Variants in AFG1L observed in about 807,000 individuals in gnomAD.
The protein encoded by AFG1L is AFG1 like ATPase, also known as AFG1-like ATPase.
A neutral mutation model predicts 62.2 loss-of-function variants in AFG1L; 53 were observed. The ratio of observed to expected loss-of-function variants is 0.85; its 90% CI spans 0.68 to 1.07. The LOEUF (loss-of-function observed/expected upper bound fraction) is 1.07. Ranked by LOEUF, AFG1L falls within the 50% of genes least tolerant of loss-of-function variation. The pLI is 0.00. For missense variants in AFG1L, 555 were observed against 590.5 expected (o/e 0.94, Z 0.62); for synonymous variants, 228 against 210.3 (o/e 1.08, Z -0.73).
intron 10 of AFG1L, among the ~76,000 whole-genome samples, chr6:108,507,094 A>G (rs913593345): frequency 1.3e-5 from 2 of 152,226 alleles, no homozygotes; most frequent in Non-Finnish European, 2.9e-5. Flanking sequence ...AGAAAAAAGT[A>G]GTATTGCTAT....
chr6:108,432,338 A>C (rs946899443), intron 7 of AFG1L, among the ~76,000 whole-genome samples: 5 of 151,882 alleles, frequency 3.3e-5, no homozygotes, highest in African/African-American at 1.2e-4. Flanking sequence ...CCCTCTTTAA[A>C]CTACTTCAGC....
chr6:108,426,838 CCA>C (rs1770836060), intron 7 of AFG1L, among the ~76,000 whole-genome samples: 1 of 152,142 alleles, frequency 6.6e-6, no homozygotes, highest in Admixed American at 6.6e-5. Context: ...CATCCCTCCT[CCA>C]CCTTCTACTC....
At chr6:108,517,826 A>G (rs184104513) in intron 11 of AFG1L, among the ~76,000 whole-genome samples, 2 of 152,226 alleles carry the variant, frequency 1.3e-5, no homozygotes, top group African/African-American at 2.4e-5. Context: ...CAACAAACCC[A>G]TCAAAAAGTG....
intron 11 of AFG1L, among the ~76,000 whole-genome samples, chr6:108,518,255 A>C (rs1582696005): frequency 6.6e-6 from 1 of 152,170 alleles, no homozygotes; most frequent in African/African-American, 2.4e-5. Flanking sequence ...AACCAACCCA[A>C]ATGTCCAACA....
At chr6:108,370,437 AT>A (rs1779953520) in intron 6 of AFG1L, among the ~76,000 whole-genome samples, 1 of 152,004 alleles carries the variant, frequency 6.6e-6, no homozygotes, top group African/African-American at 2.4e-5. Flanking sequence ...ACTAGGGAAT[AT>A]TTGGTAACAT....
intron 10 of AFG1L, among the ~76,000 whole-genome samples, chr6:108,499,826 G>A (rs984792906): frequency 9.9e-5 from 15 of 152,066 alleles, no homozygotes; most frequent in African/African-American, 3.4e-4. Context: ...GATTCAGGGG[G>A]TACATGCACA....
chr6:108,382,070 G>A (rs770412306), intron 6 of AFG1L, among the ~76,000 whole-genome samples: 13 of 143,702 alleles, frequency 9.0e-5, no homozygotes, highest in East Asian at 2.1e-4. Flanking sequence ...GCACAGTCTC[G>A]GCTCACTGCA....
chr6:108,361,773 C>A (rs751981169), intron 5 of AFG1L, among the ~76,000 whole-genome samples: 1 of 152,200 alleles, frequency 6.6e-6, no homozygotes, highest in Non-Finnish European at 1.5e-5. Flanking sequence ...ACCTCCTTAA[C>A]AAGGCCCATC....
intron 10 of AFG1L, among the ~76,000 whole-genome samples, chr6:108,496,330 T>C (rs1582665534): frequency 6.6e-6 from 1 of 152,230 alleles, no homozygotes; most frequent in African/African-American, 2.4e-5. Context: ...ATAGTTATAA[T>C]TGATTTTGAA....
At chr6:108,518,289 G>A (rs1364673254) in intron 11 of AFG1L, among the ~76,000 whole-genome samples, 3 of 152,176 alleles carry the variant, frequency 2.0e-5, no homozygotes, top group African/African-American at 7.2e-5. Context: ...TTAAGAAAAT[G>A]TGGCACATGT....
chr6:108,317,143 G>A (rs1777635554), intron 1 of AFG1L, among the ~76,000 whole-genome samples: 1 of 152,088 alleles, frequency 6.6e-6, no homozygotes. Context: ...GTGCTATTAA[G>A]AAGAACATGA....
At chr6:108,329,104 C>G (rs1466284590) in intron 2 of AFG1L, among the ~76,000 whole-genome samples, 3 of 149,748 alleles carry the variant, frequency 2.0e-5, no homozygotes, top group Non-Finnish European at 3.0e-5. Context: ...TCCTTCCTTC[C>G]TATCTTCCCT....
At chr6:108,473,704 C>T (rs1011069581) in intron 8 of AFG1L, among the ~76,000 whole-genome samples, 1 of 152,070 alleles carries the variant, frequency 6.6e-6, no homozygotes, top group Non-Finnish European at 1.5e-5. Context: ...ATTGCAGGCG[C>T]ATGCCACCAC....
At chr6:108,411,536 G>T (rs1030779689) in intron 7 of AFG1L, among the ~76,000 whole-genome samples, 6 of 152,166 alleles carry the variant, frequency 3.9e-5, no homozygotes, top group African/African-American at 1.4e-4. Flanking sequence ...TCATACAGCT[G>T]GGTGCCCCTC....
chr6:108,420,544 G>A (rs1770542929), intron 7 of AFG1L, among the ~76,000 whole-genome samples: 2 of 151,428 alleles, frequency 1.3e-5, no homozygotes, highest in South Asian at 4.2e-4. Flanking sequence ...TTTTTGTGCT[G>A]TGTCGTTGCA....
Position 108,336,273 on chromosome 6 carries a change from A to G in AFG1L, c.364-10715A>G, listed in dbSNP as rs79156724. On this transcript the variant is annotated intron_variant, in intron 2 of 12. Coordinates refer to ENST00000368977, the MANE Select transcript of AFG1L (RefSeq NM_145315.5). ...TATCATTTTGGGAGATAATAATGCA[A>G]TGGTGGGGGGAATGGAGAGAAACAG... Among the ~76,000 whole-genome samples, 100 of 152,318 alleles carry G rather than the reference A, an allele frequency of 6.6e-4. 2 individuals carry two copies. The East Asian group carries it at 0.015, about 23-fold the overall frequency.
At chr6:108,352,870 T>C (rs925031165) in intron 3 of AFG1L, among the ~76,000 whole-genome samples, 3 of 152,180 alleles carry the variant, frequency 2.0e-5, no homozygotes, top group Non-Finnish European at 4.4e-5. Flanking sequence ...CTGTTCCTTA[T>C]ATTATTTTTT....
intron 3 of AFG1L, among the ~76,000 whole-genome samples, chr6:108,347,269 T>C (rs923538889): frequency 2.6e-5 from 4 of 152,128 alleles, no homozygotes; most frequent in Non-Finnish European, 1.5e-5. Flanking sequence ...CATGTTAGGG[T>C]GCAAACATTA....
chr6:108,469,391 T>C (rs1452571778), intron 8 of AFG1L, among the ~76,000 whole-genome samples: 1 of 152,156 alleles, frequency 6.6e-6, no homozygotes, highest in Non-Finnish European at 1.5e-5. Context: ...AAGAAAATTT[T>C]AATGTAGGCT....
Sources: allele counts gnomAD v4.1 joint callset (sites outside exome capture counted in the v4.1 genomes callset), GRCh38; gene constraint gnomAD v4.1.1; transcripts MANE v1.5; gene names NCBI Gene and HGNC (gene_info 2026-07-23, HGNC 2026-07-21).